The following DCTN4 variants were observed in gnomAD, a reference collection of about 807,000 sequenced individuals.
DCTN4 encodes the protein dynactin subunit 4.
Under a neutral mutation model 62.7 loss-of-function variants are expected in DCTN4, and 23 were observed. That is an observed-to-expected ratio of 0.37 (90% CI 0.26 to 0.52). DCTN4 has a LOEUF of 0.52. Ranked by LOEUF, DCTN4 falls within the 20% of genes least tolerant of loss-of-function variation. The probability of loss-of-function intolerance (pLI) is 0.92; values close to 1 mark genes in which losing one functional copy is unlikely to be tolerated. For synonymous variants in DCTN4, 199 were observed against 202.1 expected (o/e 0.98, Z 0.13); for missense variants, 514 against 580.4 (o/e 0.89, Z 1.18).
In DCTN4 at chr5:150,754,435, C is replaced by T. The variant is rs116538420; in HGVS notation, c.207-778G>A. On this transcript the variant is annotated intron_variant, in intron 2 of 12. Transcript: ENST00000447998. ...ATTAATTTGTGGAAAGTATACAAAA[C>T]AGTATCTGGTTATCAGGGGTTACTT... Among the ~76,000 whole-genome samples, 898 of 152,256 alleles carry T rather than the reference C, an allele frequency of 5.9e-3. 4 individuals are homozygous for T. Among genetic ancestry groups the T allele is most frequent in the Middle Eastern group, 0.017 (5 of 294 alleles).
At chr5:150,755,414 T>A in intron 2 of DCTN4, 1 of 398,176 alleles carries the variant, frequency 2.5e-6, no homozygotes, top group South Asian at 1.8e-5. Flanking sequence ...AGCAGTAACT[T>A]TACAGTGGAG....
At position 150,710,337 on chromosome 5, in the gene DCTN4, C is replaced by G. The variant is rs1759513392; in HGVS notation, c.*812G>C. 6.6e-6 allele frequency: 1 copy of G among 152,212 alleles called. No individual in the cohort carries two copies. The allele number at this position is 152,212 out of a possible 1,614,324, so 9.4% of individuals were successfully genotyped here. On this transcript the variant is annotated 3_prime_UTR_variant, in exon 13 of 13. Coordinates refer to ENST00000447998, the MANE Select transcript of DCTN4 (RefSeq NM_016221.4). The stretch of plus-strand genomic sequence containing the variant: ...AACAGGGAAGGGGTAGGAAGTAAGA[C>G]AAATAAAGATTGCCCCCCTGTGGCA...
chr5:150,710,911 T>C lies in DCTN4; in HGVS notation c.*238A>G, dbSNP rs921272231. ...GGAATTATGCTGCTGTTACTCAACGTGCAGGGTTCAGTGAGGGAGACACAG... is the reference window on the plus strand; with the variant it reads ...GGAATTATGCTGCTGTTACTCAACGCGCAGGGTTCAGTGAGGGAGACACAG... On this transcript the variant is annotated 3_prime_UTR_variant, in exon 13 of 13. Transcript: ENST00000447998. 1.9e-6 allele frequency: 1 copy of C among 535,102 alleles called. No homozygotes were observed. Among genetic ancestry groups the C allele is most frequent in the African/African-American group, 1.9e-5 (1 of 52,566 alleles). 33.1% of individuals were successfully genotyped at this position (535,102 alleles called of 1,614,324 possible). A position where few individuals can be genotyped will look rare whatever the true frequency, so the allele number is the denominator to read the frequency against.
At chr5:150,724,114 G>A (rs1339046813) in intron 8 of DCTN4, among the ~76,000 whole-genome samples, 1 of 152,168 alleles carries the variant, frequency 6.6e-6, no homozygotes, top group Non-Finnish European at 1.5e-5. Context: ...AATGGATACT[G>A]AAATATAACT....
At chr5:150,754,709 T>C (rs1752793701) in intron 2 of DCTN4, among the ~76,000 whole-genome samples, 1 of 152,168 alleles carries the variant, frequency 6.6e-6, no homozygotes, top group African/African-American at 2.4e-5. Context: ...AGCTCACGCT[T>C]GTAATCCCAG....
intron 8 of DCTN4, 56 bp downstream of exon 8, chr5:150,730,575 A>G: frequency 1.3e-6 from 2 of 1,490,168 alleles, no homozygotes; most frequent in East Asian, 2.3e-5. Context: ...CACCAGCCAC[A>G]TTTATTTTTG....
At chr5:150,755,131 A>C (rs2113156531) in intron 2 of DCTN4, among the ~76,000 whole-genome samples, 1 of 152,344 alleles carries the variant, frequency 6.6e-6, no homozygotes, top group Non-Finnish European at 1.5e-5. Context: ...CCAATGGCCA[A>C]AGCTGAAATA....
At chr5:150,748,691 A>G (rs1237985297) in intron 3 of DCTN4, among the ~76,000 whole-genome samples, 1 of 150,832 alleles carries the variant, frequency 6.6e-6, no homozygotes, top group Non-Finnish European at 1.5e-5. Flanking sequence ...ACAAGGACAA[A>G]AAACCAAACA....
At chr5:150,731,949 A>G (rs1302981164) in intron 5 of DCTN4, 8 of 1,543,356 alleles carry the variant, frequency 5.2e-6, no homozygotes, top group Non-Finnish European at 6.1e-6. Flanking sequence ...CAGAGACAAA[A>G]AATGCAGCAT....
chr5:150,737,883 A>G (rs758105543), intron 4 of DCTN4, among the ~76,000 whole-genome samples: 8 of 152,210 alleles, frequency 5.3e-5, no homozygotes, highest in Non-Finnish European at 1.0e-4. Context: ...ATTAACCAAG[A>G]AAAGATGAGA....
At chr5:150,755,410 A>G (rs763208074) in intron 2 of DCTN4, 30 of 382,790 alleles carry the variant, frequency 7.8e-5, no homozygotes, top group Non-Finnish European at 9.7e-5. Flanking sequence ...GAAAAGCAGT[A>G]ACTTTACAGT....
At chr5:150,740,935 C>T (rs1284173685) in intron 4 of DCTN4, among the ~76,000 whole-genome samples, 2 of 152,164 alleles carry the variant, frequency 1.3e-5, no homozygotes, top group Middle Eastern at 3.2e-3. Context: ...AAATACTACA[C>T]ATTAGGTACA....
intron 9 of DCTN4, among the ~76,000 whole-genome samples, chr5:150,720,786 T>G (rs1270559763): frequency 6.6e-6 from 1 of 152,168 alleles, no homozygotes; most frequent in African/African-American, 2.4e-5. Context: ...CCTCAGAGCA[T>G]CTGTATTAAG....
intron 3 of DCTN4, among the ~76,000 whole-genome samples, chr5:150,748,688 C>CA (rs1212049378): frequency 2.0e-5 from 3 of 146,952 alleles, no homozygotes; most frequent in African/African-American, 7.6e-5. Flanking sequence ...ATCACAAGGA[C>CA]AAAAAACCAA....
chr5:150,730,954 CA>C, intron 7 of DCTN4, 89 bp downstream of exon 7: 1 of 849,688 alleles, frequency 1.2e-6, no homozygotes, highest in Admixed American at 2.4e-5. Context: ...ACAGCTATTC[CA>C]TTAAAAATCT....
At chr5:150,742,059 C>A in intron 4 of DCTN4, 55 bp downstream of exon 4, 1 of 1,496,566 alleles carries the variant, frequency 6.7e-7, no homozygotes, top group Non-Finnish European at 9.3e-7. Context: ...GATCTTCAGT[C>A]TTTTACTCAA....
intron 2 of DCTN4, chr5:150,755,600 T>C (rs1166665768): frequency 8.8e-6 from 4 of 456,072 alleles, no homozygotes; most frequent in East Asian, 1.4e-4. Context: ...CAAATCCTAA[T>C]GAAATGACAT....
At chr5:150,758,385 T>A in intron 1 of DCTN4, 1 of 987,280 alleles carries the variant, frequency 1.0e-6, no homozygotes, top group Non-Finnish European at 1.2e-6. Context: ...TTGGCCTGAG[T>A]CAGGAACAGG....
intron 4 of DCTN4, among the ~76,000 whole-genome samples, chr5:150,734,684 C>T (rs527437335): frequency 2.0e-5 from 3 of 152,324 alleles, no homozygotes; most frequent in Admixed American, 2.0e-4. Context: ...GATATGAGCA[C>T]ATAAGCCACA....
Sources: allele counts gnomAD v4.1 joint callset (sites outside exome capture counted in the v4.1 genomes callset), GRCh38; gene constraint gnomAD v4.1.1; transcripts MANE v1.5; gene names NCBI Gene and HGNC (gene_info 2026-07-23, HGNC 2026-07-21).